The following EIPR1 variants were observed in gnomAD, a reference collection of about 807,000 sequenced individuals.
The protein encoded by EIPR1 is EARP and GARP complex-interacting protein 1.
Under a neutral mutation model 48.1 loss-of-function variants are expected in EIPR1, and 25 were observed. That is an observed-to-expected ratio of 0.52 (90% confidence interval 0.38 to 0.73). The LOEUF (loss-of-function observed/expected upper bound fraction) is 0.73. Among genes scored for constraint, EIPR1 ranks in the 30% least tolerant of loss-of-function variants. The pLI, the probability that EIPR1 is intolerant of heterozygous loss-of-function variation, is 0.00. For synonymous variants in EIPR1, 204 were observed against 201.9 expected (o/e 1.01, Z -0.09); for missense variants, 415 against 506.2 (o/e 0.82, Z 1.73).
chr2:3,253,119 T>C (rs901981369), intron 4 of EIPR1, among the ~76,000 whole-genome samples: 1 of 152,168 alleles, frequency 6.6e-6, no homozygotes, highest in Non-Finnish European at 1.5e-5. Context: ...TCCTCTGCAA[T>C]AAGAACTTGA....
At chr2:3,362,027 C>T (rs1381156089) in intron 1 of EIPR1, among the ~76,000 whole-genome samples, 3 of 152,242 alleles carry the variant, frequency 2.0e-5, no homozygotes, top group Non-Finnish European at 4.4e-5. Flanking sequence ...TAGGCCCATG[C>T]TTTCCAAATG....
chr2:3,330,210 C>T (rs549390687), intron 3 of EIPR1, among the ~76,000 whole-genome samples: 1 of 152,226 alleles, frequency 6.6e-6, no homozygotes, highest in Admixed American at 6.5e-5. Flanking sequence ...ATAACCTCAG[C>T]TAAATGCAGG....
intron 3 of EIPR1, among the ~76,000 whole-genome samples, chr2:3,280,167 T>C (rs2103258355): frequency 6.6e-6 from 1 of 152,332 alleles, no homozygotes; most frequent in African/African-American, 2.4e-5. Context: ...GCAGCAGTAA[T>C]TCCAAAACAC....
chr2:3,261,610 G>A (rs1287660065), intron 3 of EIPR1: 1 of 152,272 alleles, frequency 6.6e-6, no homozygotes, highest in Non-Finnish European at 1.5e-5. Flanking sequence ...TGAACACAAA[G>A]ACACGCACAG....
intron 3 of EIPR1, among the ~76,000 whole-genome samples, chr2:3,272,672 G>A (rs936116637): frequency 3.3e-5 from 5 of 152,150 alleles, no homozygotes; most frequent in Non-Finnish European, 7.3e-5. Flanking sequence ...ACTGACCACA[G>A]AGCACCATAA....
At chr2:3,336,410 C>T (rs748203879) in intron 3 of EIPR1, among the ~76,000 whole-genome samples, 1 of 152,186 alleles carries the variant, frequency 6.6e-6, no homozygotes, top group South Asian at 2.1e-4. Flanking sequence ...CAGCCACATG[C>T]CATGCTGCCC....
intron 1 of EIPR1, 24 bp downstream of exon 1, chr2:3,377,624 C>T (rs1659942086): frequency 6.4e-7 from 1 of 1,563,528 alleles, no homozygotes; most frequent in Non-Finnish European, 8.7e-7. Context: ...CCGAGCAGCA[C>T]CTGCCGCCCT....
intron 4 of EIPR1, among the ~76,000 whole-genome samples, chr2:3,228,300 G>A (rs540413057): frequency 6.6e-6 from 1 of 152,370 alleles, no homozygotes; most frequent in East Asian, 1.9e-4. Context: ...GGAACTTTAA[G>A]GTTTAATGAC....
intron 3 of EIPR1, among the ~76,000 whole-genome samples, chr2:3,296,094 C>T (rs1328196230): frequency 2.2e-5 from 3 of 134,616 alleles, no homozygotes; most frequent in Middle Eastern, 4.6e-3. Flanking sequence ...CTCCATCCAG[C>T]CCATCCTCTC....
At chr2:3,341,750 G>A (rs970421586) in intron 2 of EIPR1, among the ~76,000 whole-genome samples, 7 of 152,022 alleles carry the variant, frequency 4.6e-5, no homozygotes, top group Admixed American at 3.3e-4. Context: ...GTACGTGGGC[G>A]TGGGGAACCA....
intron 2 of EIPR1, among the ~76,000 whole-genome samples, chr2:3,339,730 C>A (rs1168191079): frequency 6.6e-6 from 1 of 152,188 alleles, no homozygotes; most frequent in African/African-American, 2.4e-5. Context: ...GGGCGGATCA[C>A]CTGAGGTCAG....
intron 1 of EIPR1, 23 bp from the exon 2 acceptor site, chr2:3,354,656 A>G: frequency 6.2e-7 from 1 of 1,605,764 alleles, no homozygotes. Context: ...AGAAAAACAC[A>G]TGCACATTTA....
intron 3 of EIPR1, among the ~76,000 whole-genome samples, chr2:3,277,832 G>A (rs1320699966): frequency 2.6e-5 from 4 of 152,202 alleles, no homozygotes; most frequent in Non-Finnish European, 5.9e-5. Context: ...GCTGAGGTGA[G>A]CATGGAAAGG....
At chr2:3,306,165 C>T (rs890024240) in intron 3 of EIPR1, among the ~76,000 whole-genome samples, 4 of 152,236 alleles carry the variant, frequency 2.6e-5, no homozygotes, top group Admixed American at 6.5e-5. Flanking sequence ...GTCATCATTT[C>T]GTCATGCTAG....
rs144000846 is a variant in EIPR1 at position 3,189,328 on chromosome 2, C to T, written c.*6G>A. On this transcript the variant is annotated 3_prime_UTR_variant, in exon 9 of 9. Transcript: ENST00000382125. This position sits in a 1 kb window ranked among gnomAD's most constrained non-coding sequence, Gnocchi z 4.6. Reference sequence around the variant, plus strand: ...CAATGGGACCTGGATAACCCAGGCCCGGGAGTCATAGCAGGATGTGGTACT... The same window carrying T: ...CAATGGGACCTGGATAACCCAGGCCTGGGAGTCATAGCAGGATGTGGTACT... The T allele has an allele frequency of 1.7e-4, 261 of 1,571,758 alleles. 1 individual carries two copies. In the African/African-American group the frequency reaches 2.9e-3, roughly 17 times the overall value.
At chr2:3,259,287 T>TTC (rs1553289898) in intron 3 of EIPR1, among the ~76,000 whole-genome samples, 1 of 151,730 alleles carries the variant, frequency 6.6e-6, no homozygotes, top group South Asian at 2.1e-4. Context: ...TGGCAGACAC[T>TTC]CCCCCCCACA....
intron 4 of EIPR1, among the ~76,000 whole-genome samples, chr2:3,252,787 G>C (rs1321212584): frequency 1.3e-5 from 2 of 152,174 alleles, no homozygotes; most frequent in African/African-American, 4.8e-5. Flanking sequence ...CAGAGCACCA[G>C]GGCTGGCGGG....
At position 3,267,827 on chromosome 2, in the gene EIPR1, T is replaced by C. The variant is rs546213429; in HGVS notation, c.260-10372A>G. Among the ~76,000 whole-genome samples the C allele has an allele frequency of 3.3e-5, 5 of 152,348 alleles. No individual in the cohort carries two copies. In the East Asian group the frequency reaches 9.6e-4, roughly 29 times the overall value. On this transcript the variant is annotated intron_variant, in intron 3 of 8. Transcript: ENST00000382125. ...AATATGAGACAGAGACCGAATGGCCTACAAAGCCTAAAATATTTACTCTCT... is the reference window on the plus strand; with the variant it reads ...AATATGAGACAGAGACCGAATGGCCCACAAAGCCTAAAATATTTACTCTCT...
chr2:3,277,593 C>T (rs1201239778), intron 3 of EIPR1, among the ~76,000 whole-genome samples: 4 of 152,216 alleles, frequency 2.6e-5, no homozygotes, highest in Admixed American at 6.5e-5. Flanking sequence ...AACTACTCCC[C>T]GGGGTGTTCA....
Sources: gnomAD v4.1 joint callset for allele counts (sites outside exome capture counted in the v4.1 genomes callset) on GRCh38, gnomAD v4.1.1 for gene constraint, Gnocchi (gnomAD v3.1) non-coding constraint, MANE v1.5 for transcripts, NCBI Gene and HGNC (gene_info 2026-07-23, HGNC 2026-07-21) for gene names.